The following CHD6 variants were observed in gnomAD, a reference collection of about 807,000 sequenced individuals.
CHD6 encodes the protein chromodomain helicase DNA binding protein 6.
In CHD6, 50 loss-of-function variants were observed where a neutral mutation model predicts 276.9. The ratio of observed to expected loss-of-function variants is 0.18; its 90% CI spans 0.14 to 0.23. CHD6 has a LOEUF of 0.23. Ranked by LOEUF, CHD6 falls within the 10% of genes least tolerant of loss-of-function variation. The pLI, the probability that CHD6 is intolerant of heterozygous loss-of-function variation, is 1.00. For synonymous variants in CHD6, 1,173 were observed against 1,229.3 expected, an observed-to-expected ratio of 0.95 and a Z score of 0.96; for missense variants, 2,564 against 3,365.8, an observed-to-expected ratio of 0.76 and a Z score of 5.89.
At chr20:41,530,466 C>G (rs1334827926) in intron 3 of CHD6, among the ~76,000 whole-genome samples, 1 of 152,116 alleles carries the variant, frequency 6.6e-6, no homozygotes, top group Non-Finnish European at 1.5e-5. Context: ...GATACCTGCT[C>G]AAATCAAAAC....
At chr20:41,527,287 A>G (rs1208005876) in intron 3 of CHD6, among the ~76,000 whole-genome samples, 1 of 152,092 alleles carries the variant, frequency 6.6e-6, no homozygotes, top group Non-Finnish European at 1.5e-5. Flanking sequence ...AAATACAAAA[A>G]ATAAACTGGG....
chr20:41,581,531 T>C (rs1178165416), intron 1 of CHD6, among the ~76,000 whole-genome samples: 3 of 151,922 alleles, frequency 2.0e-5, no homozygotes, highest in East Asian at 3.9e-4. Context: ...AAAAATTAGC[T>C]GGGTGTGGTG....
intron 16 of CHD6, among the ~76,000 whole-genome samples, chr20:41,474,369 C>T (rs1336292126): frequency 1.3e-5 from 2 of 152,068 alleles, no homozygotes; most frequent in South Asian, 4.2e-4. Context: ...CAGAAGAGAC[C>T]TTTACGTTGG....
At chr20:41,614,869 G>C (rs531202306) in intron 1 of CHD6, 1 of 152,178 alleles carries the variant, frequency 6.6e-6, no homozygotes, top group African/African-American at 2.4e-5. Flanking sequence ...GAACTCCTAA[G>C]TGCCCCAGGA....
intron 17 of CHD6, 28 bp from the exon 18 acceptor site, chr20:41,457,456 A>G (rs760196243): frequency 3.1e-6 from 5 of 1,596,928 alleles, no homozygotes; most frequent in Admixed American, 1.7e-5. Context: ...CATATGCATC[A>G]CGTCACCGTA....
intron 33 of CHD6, 113 bp from the exon 34 acceptor site, chr20:41,415,751 T>A: frequency 1.2e-6 from 1 of 800,026 alleles, no homozygotes; most frequent in Admixed American, 2.9e-5. Flanking sequence ...ATCATCTTTT[T>A]AGGAGTTCTT....
rs369087948 is a variant in CHD6, at chr20:41,466,070, C to T, written c.2664+7252G>A. On this transcript the variant is annotated intron_variant, in intron 17 of 36. Transcript: ENST00000373233. ...ATACAAAATTAGCTGGGCGTGGTGG[C>T]GCGTGCCTGTAATTCCAACTACTTC... 3.9e-5 allele frequency among the ~76,000 whole-genome samples: 6 copies of T among 152,064 alleles called. No homozygotes were observed. The East Asian group carries it at 5.8e-4, about 15-fold the overall frequency.
At chr20:41,509,388 A>G (rs1243244928) in intron 5 of CHD6, among the ~76,000 whole-genome samples, 2 of 152,214 alleles carry the variant, frequency 1.3e-5, no homozygotes, top group Non-Finnish European at 2.9e-5. Context: ...ATGGTTTAGA[A>G]GAAGGAAACA....
intron 17 of CHD6, among the ~76,000 whole-genome samples, chr20:41,471,336 T>A (rs989990903): frequency 4.6e-5 from 7 of 152,206 alleles, no homozygotes; most frequent in African/African-American, 1.7e-4. Context: ...AGTTTTTGCT[T>A]ATTATTATTT....
Position 41,412,992 on chromosome 20 carries a change from G to A in CHD6, c.7131+332C>T, listed in dbSNP as rs1019590729. Among the ~76,000 whole-genome samples the A allele has an allele frequency of 5.9e-5, 9 of 152,358 alleles. 1 individual carries two copies. Among genetic ancestry groups the A allele is most frequent in the Admixed American group, 5.9e-4 (9 of 15,306 alleles). ...ATTCAAAGGAACATTTTCATAGGTG[G>A]CAGAGTTTATGCAACCTAAAGATTT... On this transcript the variant is annotated intron_variant, in intron 35 of 36. Coordinates refer to ENST00000373233, the MANE Select transcript of CHD6 (RefSeq NM_032221.5).
chr20:41,406,133 G>A (rs771197960), intron 36 of CHD6, among the ~76,000 whole-genome samples: 2 of 152,182 alleles, frequency 1.3e-5, no homozygotes, highest in African/African-American at 2.4e-5. Context: ...TATTTATTGT[G>A]TGTATGCCCC....
chr20:41,553,168 G>A (rs943887006), intron 1 of CHD6, among the ~76,000 whole-genome samples: 3 of 152,038 alleles, frequency 2.0e-5, no homozygotes, highest in Admixed American at 2.0e-4. Context: ...ATCACAAACT[G>A]CCACAAAGTC....
At position 41,451,737 on chromosome 20, in the gene CHD6, C is replaced by T. The variant is rs898343374; in HGVS notation, c.3523+89G>A. 9 of 1,183,270 alleles carry T rather than the reference C, an allele frequency of 7.6e-6. No homozygotes were observed. The African/African-American group carries it at 1.2e-4, about 16-fold the overall frequency. The allele number at this position is 1,183,270 out of a possible 1,614,324, so 73.3% of individuals were successfully genotyped here. A position where few individuals can be genotyped will look rare whatever the true frequency, so the allele number is the denominator to read the frequency against. On this transcript the variant is annotated intron_variant, in intron 22 of 36. Transcript: ENST00000373233. ...AAAACACCCGAGAAAGAGAAGTCCCCCAAAGCACAGCAATACGGCCCCGCA... is the reference window on the plus strand; with the variant it reads ...AAAACACCCGAGAAAGAGAAGTCCCTCAAAGCACAGCAATACGGCCCCGCA...
At chr20:41,573,441 C>T (rs1601156117) in intron 1 of CHD6, among the ~76,000 whole-genome samples, 2 of 152,174 alleles carry the variant, frequency 1.3e-5, no homozygotes, top group African/African-American at 4.8e-5. Flanking sequence ...TTTTTAGCCT[C>T]CATGTATTAT....
In CHD6 at chr20:41,404,940, T is replaced by A; in HGVS notation, c.7801A>T (p.Ile2601Leu). 6.2e-7 allele frequency: 1 copy of A among 1,614,204 alleles called. No individual in the cohort carries two copies. Among genetic ancestry groups the A allele is most frequent in the South Asian group, 1.1e-5 (1 of 91,080 alleles). Residue 2601 changes from isoleucine (I) to leucine (L), a missense_variant, in exon 37 of 37, where the codon ATA becomes TTA. Ile to Leu is a conservative substitution (Grantham distance 5, BLOSUM62 2). Around this residue, in one of 7 missense-constraint regions of CHD6, gnomAD observed 238 missense variants for 266.0 expected, o/e 0.89. Coordinates refer to ENST00000373233, the MANE Select transcript of CHD6 (RefSeq NM_032221.5). ...AAAGCCACAGGACTACTAGTAGTTA[T>A]TGCAGGTTCAGACTGATCAGAAAAT... is the stretch of plus-strand genomic sequence containing the variant. ...GPFSDQSEPA[I>L]TTSSPVAFNP...
chr20:41,486,181 A>G (rs937336403), intron 14 of CHD6: 1 of 152,278 alleles, frequency 6.6e-6, no homozygotes, highest in East Asian at 1.9e-4. Context: ...AGATAGGGAC[A>G]AATGTCAATC....
intron 1 of CHD6, among the ~76,000 whole-genome samples, chr20:41,603,696 T>G (rs1464748245): frequency 6.6e-6 from 1 of 152,134 alleles, no homozygotes; most frequent in African/African-American, 2.4e-5. Context: ...TGAAACCCTG[T>G]CTCTACTAAA....
chr20:41,495,992 C>A (rs1456517409), intron 8 of CHD6, among the ~76,000 whole-genome samples: 1 of 152,192 alleles, frequency 6.6e-6, no homozygotes, highest in Non-Finnish European at 1.5e-5. Context: ...CACCTATGCC[C>A]CATTCCCACC....
intron 1 of CHD6, among the ~76,000 whole-genome samples, chr20:41,565,487 G>A: frequency 6.6e-6 from 1 of 152,174 alleles, no homozygotes; most frequent in East Asian, 1.9e-4. Context: ...AGAGTAGATG[G>A]ATAAGTTCTA....
Sources: gnomAD v4.1 joint callset for allele counts (sites outside exome capture counted in the v4.1 genomes callset) on GRCh38, gnomAD v4.1.1 for gene constraint, gnomAD v4.1.1 regional missense constraint, MANE v1.5 for transcripts, NCBI Gene and HGNC (gene_info 2026-07-23, HGNC 2026-07-21) for gene names.